The following KLF7 variants were observed in gnomAD, a reference collection of about 807,000 sequenced individuals.
The protein encoded by KLF7 is Krueppel-like factor 7.
Under a neutral mutation model 27.3 loss-of-function variants are expected in KLF7, and 2 were observed. The ratio of observed to expected loss-of-function variants is 0.07; its 90% CI spans 0.03 to 0.23. The LOEUF (loss-of-function observed/expected upper bound fraction) is 0.23. Among genes scored for constraint, KLF7 ranks in the 10% least tolerant of loss-of-function variants. KLF7 has a pLI of 1.00. For missense variants in KLF7, 221 were observed against 394.1 expected (o/e 0.56, Z 3.72); for synonymous variants, 165 against 162.4 (o/e 1.02, Z -0.12).
At chr2:207,167,015 A>T, upstream of KLF7, 2 of 819,662 alleles carry the variant, frequency 2.4e-6, no homozygotes, top group Non-Finnish European at 1.6e-6. Context: ...TCCGGCGGCT[A>T]GAGTTGATTG....
chr2:207,120,132 C>T (rs1454794547), intron 2 of KLF7, among the ~76,000 whole-genome samples: 1 of 152,112 alleles, frequency 6.6e-6, no homozygotes, highest in Non-Finnish European at 1.5e-5. Context: ...GGGCAACCTG[C>T]GTTTGTGCCC....
chr2:207,158,063 G>A (rs2078440013), intron 1 of KLF7, among the ~76,000 whole-genome samples: 1 of 152,174 alleles, frequency 6.6e-6, no homozygotes, highest in South Asian at 2.1e-4. Context: ...ATCTGGAGGT[G>A]GAGATGTAGA....
chr2:207,107,258 G>A (rs1258582589), intron 2 of KLF7, among the ~76,000 whole-genome samples: 4 of 152,110 alleles, frequency 2.6e-5, no homozygotes, highest in East Asian at 3.9e-4. Flanking sequence ...CTGTGGCATC[G>A]GAGGCCTGCT....
intron 1 of KLF7, among the ~76,000 whole-genome samples, chr2:207,137,338 C>T (rs1459452094): frequency 1.3e-5 from 2 of 152,146 alleles, no homozygotes; most frequent in East Asian, 1.9e-4. Flanking sequence ...TAGCAGTTGG[C>T]GAGGACTCGT....
chr2:207,154,837 C>T (rs1036920227), intron 1 of KLF7, among the ~76,000 whole-genome samples: 4 of 152,192 alleles, frequency 2.6e-5, no homozygotes, highest in African/African-American at 7.2e-5. Context: ...GATTTCAAAT[C>T]CTTCATGTAA....
chr2:207,167,700 G>C (rs908310053), upstream of KLF7, among the ~76,000 whole-genome samples: 1 of 152,178 alleles, frequency 6.6e-6, no homozygotes, highest in Non-Finnish European at 1.5e-5. Context: ...TCTGCAATTA[G>C]ATGTGCAAGG....
chr2:207,124,546 C>T (rs951229354), intron 1 of KLF7, 142 bp from the exon 2 acceptor site: 1 of 756,494 alleles, frequency 1.3e-6, no homozygotes, highest in Admixed American at 2.9e-5. Flanking sequence ...GAAGGTCTGA[C>T]CTTGTTATTT....
upstream of KLF7, chr2:207,167,226 A>G (rs2078742032): frequency 1.7e-6 from 2 of 1,193,410 alleles, no homozygotes; most frequent in Admixed American, 3.7e-5. Flanking sequence ...GGATGTAGAC[A>G]TAGAGAGATC....
At chr2:207,124,661 G>A (rs1013601569) in intron 1 of KLF7, among the ~76,000 whole-genome samples, 1 of 152,122 alleles carries the variant, frequency 6.6e-6, no homozygotes, top group African/African-American at 2.4e-5. Flanking sequence ...TCATACCTTC[G>A]AGATTCCAGA....
chr2:207,171,053 G>C (rs2078780820), upstream of KLF7, among the ~76,000 whole-genome samples: 1 of 149,786 alleles, frequency 6.7e-6, no homozygotes, highest in Non-Finnish European at 1.5e-5. Context: ...CACCATACTA[G>C]ATGCTATTGA....
chr2:207,132,205 C>T (rs1419734841), intron 1 of KLF7, among the ~76,000 whole-genome samples: 1 of 152,132 alleles, frequency 6.6e-6, no homozygotes, highest in African/African-American at 2.4e-5. Flanking sequence ...AACAATAGCA[C>T]ACCCCAGAGG....
At chr2:207,123,508 G>A (rs1320482942) in intron 2 of KLF7, among the ~76,000 whole-genome samples, 3 of 152,198 alleles carry the variant, frequency 2.0e-5, no homozygotes, top group African/African-American at 7.2e-5. Flanking sequence ...ATGAGTCACT[G>A]CCAGGGCCCC....
intron 2 of KLF7, among the ~76,000 whole-genome samples, chr2:207,111,779 G>T (rs2244691): frequency 0.4 from 60,349 of 151,828 alleles, 12,605 homozygotes; most frequent in African/African-American, 0.52. Flanking sequence ...AGGAAGCCTC[G>T]GAAGTATGCA....
intron 2 of KLF7, among the ~76,000 whole-genome samples, chr2:207,099,406 A>G (rs1226639751): frequency 6.6e-6 from 1 of 151,944 alleles, no homozygotes; most frequent in African/African-American, 2.4e-5. Context: ...GTGGTCACCC[A>G]TTGGTACGTA....
Position 207,087,124 on chromosome 2 carries a change from G to A in KLF7, c.857+1334C>T, listed in dbSNP as rs564600156. ...ACAGGAGGACTTCTAGGTAATGGAT[G>A]GAAATGTAATAATAACTTGTATTCT... On this transcript the variant is annotated intron_variant, in intron 3 of 3. Coordinates refer to ENST00000309446, the MANE Select transcript of KLF7 (RefSeq NM_003709.4). Among the ~76,000 whole-genome samples the A allele has an allele frequency of 2.0e-5, 3 of 152,314 alleles. No homozygotes were observed. In the East Asian group the frequency reaches 5.8e-4, roughly 29 times the overall value.
chr2:207,086,042 T>C (rs887666811), intron 3 of KLF7, among the ~76,000 whole-genome samples: 2 of 143,368 alleles, frequency 1.4e-5, no homozygotes, highest in Non-Finnish European at 3.0e-5. Context: ...AACTACCCTA[T>C]AGGCAAAATA....
chr2:207,164,956 CT>C (rs1244340199), intron 1 of KLF7, among the ~76,000 whole-genome samples: 2 of 152,086 alleles, frequency 1.3e-5, no homozygotes, highest in East Asian at 3.9e-4. Flanking sequence ...TTTATTGACA[CT>C]CGCTAATTAC....
intron 1 of KLF7, among the ~76,000 whole-genome samples, chr2:207,152,953 G>C (rs2078284593): frequency 6.6e-6 from 1 of 152,096 alleles, no homozygotes; most frequent in Admixed American, 6.5e-5. Context: ...AAATTAAAGG[G>C]AATTGAAATA....
chr2:207,172,311 T>C, the KLF7 span, among the ~76,000 whole-genome samples: 1 of 152,222 alleles, frequency 6.6e-6, no homozygotes, highest in African/African-American at 2.4e-5. Context: ...TTCCAGTTTA[T>C]TAACTTTAGG....
Sources: allele counts gnomAD v4.1 joint callset (sites outside exome capture counted in the v4.1 genomes callset), GRCh38; gene constraint gnomAD v4.1.1; transcripts MANE v1.5; gene names NCBI Gene and HGNC (gene_info 2026-07-23, HGNC 2026-07-21).